DIAPH2: variants seen among roughly 807,000 people sequenced by gnomAD.
DIAPH2 encodes protein diaphanous homolog 2.
A neutral mutation model predicts 92.7 loss-of-function variants in DIAPH2; 35 were observed. That is an observed-to-expected ratio of 0.38 (90% CI 0.29 to 0.50). The LOEUF (loss-of-function observed/expected upper bound fraction) is 0.50. DIAPH2 is among the 20% of genes least tolerant of loss of function. DIAPH2 has a pLI of 0.94. For missense variants in DIAPH2, 701 were observed against 819.5 expected, an observed-to-expected ratio of 0.86 and a Z score of 1.77; for synonymous variants, 301 against 280.4, an observed-to-expected ratio of 1.07 and a Z score of -0.73.
At chrX:96,835,393 A>C (rs2064880106) in intron 4 of DIAPH2, among the ~76,000 whole-genome samples, 1 of 111,879 alleles carries the variant, frequency 8.9e-6, no homozygotes, top group Non-Finnish European at 1.9e-5. Flanking sequence ...CCCCTCTTCC[A>C]TGGCTACCTG....
intron 19 of DIAPH2, among the ~76,000 whole-genome samples, chrX:97,094,828 C>G (rs1419404679): frequency 9.0e-6 from 1 of 111,341 alleles, no homozygotes; most frequent in African/African-American, 3.3e-5. Context: ...GGTAGACATC[C>G]AGTATATATT....
chrX:97,481,520 T>G (rs1211821402), intron 26 of DIAPH2, among the ~76,000 whole-genome samples: 1 of 111,518 alleles, frequency 9.0e-6, no homozygotes, highest in African/African-American at 3.3e-5. Context: ...GTGAGGGATC[T>G]GCACTAAACT....
intron 5 of DIAPH2, chrX:96,885,173 G>GTCCTACTTCCTAA: frequency 1.1e-6 from 1 of 902,017 alleles, no homozygotes; most frequent in Non-Finnish European, 1.5e-6. Flanking sequence ...TGACTTTTTA[G>GTCCTACTTCCTAA]GAAGTAGGAC....
In DIAPH2 at chrX:97,175,211, A is replaced by T. The variant is rs137931272; in HGVS notation, c.2719+33417A>T. The stretch of plus-strand genomic sequence containing the variant: ...CTTCTGTTTTGCAAAAACCTTTTAT[A>T]GCGTTATGGTCTCAGAAGGAACCAT... On this transcript the variant is annotated intron_variant, in intron 22 of 26. Coordinates refer to ENST00000324765, the MANE Select transcript of DIAPH2 (RefSeq NM_006729.5). 6.2e-3 allele frequency among the ~76,000 whole-genome samples: 690 copies of T among 111,448 alleles called. 3 individuals carry two copies. Among genetic ancestry groups the T allele is most frequent in the African/African-American group, 0.022 (665 of 30,735 alleles).
chrX:97,298,634 A>C (rs1342152782), intron 23 of DIAPH2, among the ~76,000 whole-genome samples: 3 of 93,794 alleles, frequency 3.2e-5, no homozygotes, highest in Admixed American at 1.2e-4. Context: ...TTTTTTATTG[A>C]AACGGAGTCT....
chrX:97,585,413 A>G (rs1188930051), intron 26 of DIAPH2, among the ~76,000 whole-genome samples: 2 of 110,185 alleles, frequency 1.8e-5, no homozygotes, highest in African/African-American at 3.3e-5. Flanking sequence ...GTTCTTTTCT[A>G]TTTATCTTTC....
rs373416639 is a variant in DIAPH2, at chrX:96,885,117, A to G, written c.587+3399A>G. 4.5e-5 allele frequency: 53 copies of G among 1,175,851 alleles called. No homozygotes were observed. The African/African-American group carries it at 8.6e-4, about 19-fold the overall frequency. ...ATTGAGGCAGGGAAAACATCCTTTC[A>G]TTTTTCGAAGACCCTTGCATCCAGC... On this transcript the variant is annotated intron_variant, in intron 5 of 26. Coordinates refer to ENST00000324765, the MANE Select transcript of DIAPH2 (RefSeq NM_006729.5).
At chrX:96,865,045 A>G (rs1210272146) in intron 4 of DIAPH2, among the ~76,000 whole-genome samples, 2 of 112,280 alleles carry the variant, frequency 1.8e-5, no homozygotes, top group East Asian at 2.8e-4. Flanking sequence ...GTAGAAATTA[A>G]CTATTATACT....
intron 22 of DIAPH2, among the ~76,000 whole-genome samples, chrX:97,158,226 T>C (rs1248311748): frequency 3.6e-5 from 4 of 112,484 alleles, no homozygotes; most frequent in African/African-American, 6.5e-5. Context: ...TTAAATGTTA[T>C]ATTGTTTAAA....
At chrX:97,242,125 C>G (rs1349388716) in intron 22 of DIAPH2, among the ~76,000 whole-genome samples, 3 of 111,365 alleles carry the variant, frequency 2.7e-5, no homozygotes, top group Non-Finnish European at 5.7e-5. Flanking sequence ...GTGATATCAA[C>G]TGTCAACAAT....
intron 23 of DIAPH2, among the ~76,000 whole-genome samples, chrX:97,322,343 G>A (rs748163012): frequency 1.8e-5 from 2 of 112,010 alleles, no homozygotes; most frequent in African/African-American, 6.5e-5. Context: ...TTCTTTATGG[G>A]AGAGTAGAAA....
intron 26 of DIAPH2, among the ~76,000 whole-genome samples, chrX:97,555,242 A>C (rs1027110520): frequency 8.9e-6 from 1 of 112,202 alleles, no homozygotes. Context: ...GAAGAAAGAA[A>C]GAATATGGGT....
intron 25 of DIAPH2, among the ~76,000 whole-genome samples, chrX:97,423,829 C>T (rs1405851364): frequency 2.7e-5 from 3 of 111,549 alleles, no homozygotes; most frequent in Non-Finnish European, 5.7e-5. Context: ...ATTTTTTGCA[C>T]GTGTTCAATA....
At chrX:96,712,180 T>C (rs1023944349) in intron 1 of DIAPH2, among the ~76,000 whole-genome samples, 14 of 111,344 alleles carry the variant, frequency 1.3e-4, no homozygotes, top group African/African-American at 4.6e-4. Flanking sequence ...CCCAGTTGTG[T>C]TTCATTTGAC....
intron 4 of DIAPH2, among the ~76,000 whole-genome samples, chrX:96,836,895 T>C (rs2064898202): frequency 1.0e-5 from 1 of 99,384 alleles, no homozygotes; most frequent in African/African-American, 3.7e-5. Context: ...GCCCGGCTAA[T>C]TTTTTGTATT....
At chrX:97,491,458 T>C (rs776924800) in intron 26 of DIAPH2, among the ~76,000 whole-genome samples, 1 of 111,743 alleles carries the variant, frequency 8.9e-6, no homozygotes, top group African/African-American at 3.3e-5. Flanking sequence ...TTGCCCAGGC[T>C]GGAGTGCAGT....
At chrX:96,749,139 A>T (rs1244016994) in intron 3 of DIAPH2, among the ~76,000 whole-genome samples, 1 of 78,977 alleles carries the variant, frequency 1.3e-5, no homozygotes, top group African/African-American at 5.6e-5. Context: ...AAAAAAAAAA[A>T]AAAAAAATAT....
chrX:97,143,171 C>A (rs1270142121), intron 22 of DIAPH2, among the ~76,000 whole-genome samples: 1 of 111,093 alleles, frequency 9.0e-6, no homozygotes, highest in African/African-American at 3.3e-5. Context: ...GGTAATAGCT[C>A]TTCTAAAGAA....
intron 23 of DIAPH2, among the ~76,000 whole-genome samples, chrX:97,291,260 C>T (rs759569372): frequency 1.8e-4 from 20 of 110,161 alleles, no homozygotes; most frequent in Admixed American, 5.8e-4. Flanking sequence ...CATGTTGGCA[C>T]GTGCCCATAA....
Sources: gnomAD v4.1 joint callset for allele counts (sites outside exome capture counted in the v4.1 genomes callset) on GRCh38, gnomAD v4.1.1 for gene constraint, MANE v1.5 for transcripts, NCBI Gene and HGNC (gene_info 2026-07-23, HGNC 2026-07-21) for gene names.